The following ARHGEF33 variants were observed in gnomAD, a reference collection of about 807,000 sequenced individuals.
ARHGEF33 encodes Rho guanine nucleotide exchange factor 33, also known as DH and coiled-coil domain-containing protein ENSP00000381780.
Under a neutral mutation model 101.9 loss-of-function variants are expected in ARHGEF33, and 72 were observed. That is an observed-to-expected ratio of 0.71 (90% CI 0.58 to 0.86). ARHGEF33 has a LOEUF of 0.86. Ranked by LOEUF, ARHGEF33 falls within the 40% of genes least tolerant of loss-of-function variation. The pLI, the probability that ARHGEF33 is intolerant of heterozygous loss-of-function variation, is 0.00. For missense variants in ARHGEF33, 1,169 were observed against 1,111.3 expected (o/e 1.05, Z -0.74); for synonymous variants, 499 against 442.5 (o/e 1.13, Z -1.60).
At chr2:38,890,118 T>C (rs1037636074) in intron 1 of ARHGEF33, 132 bp downstream of exon 1, 14 of 203,662 alleles carry the variant, frequency 6.9e-5, no homozygotes, top group Non-Finnish European at 1.2e-4. Context: ...TTATTTGAGG[T>C]AGGCATTCAA....
At chr2:38,939,917 A>G (rs2124396898) in intron 9 of ARHGEF33, among the ~76,000 whole-genome samples, 1 of 152,328 alleles carries the variant, frequency 6.6e-6, no homozygotes, top group East Asian at 1.9e-4. Flanking sequence ...TTTCTTCTAA[A>G]ATCTTTATAG....
chr2:38,942,485 T>TTA lies in ARHGEF33; in HGVS notation c.791-1416_791-1415insTA, dbSNP rs3085349. On this transcript the variant is annotated intron_variant, in intron 9 of 17. Coordinates refer to ENST00000409978, the MANE Select transcript of ARHGEF33 (RefSeq NM_001145451.5). ...CCTCTTATCTTTTTTTTTTTTTTTT[T>TTA]AAGAAAGGGAGATTTCTTTTCTTCA... Among the ~76,000 whole-genome samples, 7 of 147,526 alleles carry TTA rather than the reference T, an allele frequency of 4.7e-5. No individual in the cohort carries two copies. The South Asian group carries it at 1.0e-3, about 22-fold the overall frequency.
intron 10 of ARHGEF33, among the ~76,000 whole-genome samples, chr2:38,944,986 T>G (rs1348137566): frequency 6.6e-6 from 1 of 152,024 alleles, no homozygotes; most frequent in Non-Finnish European, 1.5e-5. Context: ...ATAGTCTAGA[T>G]TTTTTTCTGT....
intron 16 of ARHGEF33, among the ~76,000 whole-genome samples, chr2:38,962,949 G>A (rs1049946655): frequency 2.0e-5 from 3 of 150,316 alleles, no homozygotes; most frequent in Middle Eastern, 3.5e-3. Flanking sequence ...GCGTGAACCC[G>A]GGAGGTGGAG....
At chr2:38,923,465 C>T (rs941397898) in intron 4 of ARHGEF33, among the ~76,000 whole-genome samples, 6 of 152,076 alleles carry the variant, frequency 3.9e-5, no homozygotes, top group African/African-American at 1.4e-4. Context: ...ATTTTATTTT[C>T]TGGATAGATC....
rs561203336 is a variant in ARHGEF33 at position 38,949,327 on chromosome 2, A to T, written c.921-1662A>T. The stretch of plus-strand genomic sequence containing the variant: ...GTTAAACTTGCGGTGCTGAAAGCAT[A>T]AAGGAACCTACCTTAAGTCACCAAG... On this transcript the variant is annotated intron_variant, in intron 10 of 17. Transcript: ENST00000409978. 2.5e-4 allele frequency among the ~76,000 whole-genome samples: 38 copies of T among 152,332 alleles called. No homozygotes were observed. The South Asian group carries it at 4.1e-3, about 17-fold the overall frequency.
chr2:38,965,914 G>T, intron 16 of ARHGEF33, 92 bp from the exon 17 acceptor site: 1 of 1,461,726 alleles, frequency 6.8e-7, no homozygotes, highest in Non-Finnish European at 9.2e-7. Context: ...CATGGGAGAG[G>T]AAAGTCACAA....
At chr2:38,925,318 G>C (rs989092736) in intron 4 of ARHGEF33, among the ~76,000 whole-genome samples, 27 of 152,206 alleles carry the variant, frequency 1.8e-4, no homozygotes, top group African/African-American at 5.8e-4. Flanking sequence ...ATGGGAACCA[G>C]TCCTACAGTA....
rs772992551 is a variant in ARHGEF33, at chr2:38,960,338, A to T, written c.2033A>T (p.Lys678Met). ...RPEHPLQPLP[K>M]SATSPAGSSS... ...GAGCACCCGCTGCAGCCGCTGCCCAAGAGCGCTACGTCGCCGGCGGGCAGC... is the reference window on the plus strand; with the variant it reads ...GAGCACCCGCTGCAGCCGCTGCCCATGAGCGCTACGTCGCCGGCGGGCAGC... The change falls in exon 16 of 18, where the codon AAG (lysine) becomes ATG (methionine). Residue 678 changes from lysine (K) to methionine (M), a missense_variant. Lys to Met is a moderately conservative substitution (Grantham distance 95). Coordinates refer to ENST00000409978, the MANE Select transcript of ARHGEF33 (RefSeq NM_001145451.5). 1.3e-6 allele frequency: 2 copies of T among 1,537,974 alleles called. No homozygotes were observed. Among genetic ancestry groups the T allele is most frequent in the South Asian group, 2.4e-5 (2 of 83,698 alleles).
chr2:38,898,297 G>A (rs1380595419), intron 2 of ARHGEF33, among the ~76,000 whole-genome samples: 1 of 152,220 alleles, frequency 6.6e-6, no homozygotes, highest in Non-Finnish European at 1.5e-5. Context: ...TTCTGAAACT[G>A]TATGAGAAAA....
In ARHGEF33 at chr2:38,913,777, A is replaced by T. The variant is rs554625045; in HGVS notation, c.-85-5586A>T. ...GAGTAAGACTCTGTCTCAGAAAAAA[A>T]AAAAATAAAAAGAATATTTCAATAG... On this transcript the variant is annotated intron_variant, in intron 2 of 17. Coordinates refer to ENST00000409978, the MANE Select transcript of ARHGEF33 (RefSeq NM_001145451.5). 8.8e-4 allele frequency among the ~76,000 whole-genome samples: 134 copies of T among 152,266 alleles called. 1 individual carries two copies. The highest frequency in any genetic ancestry group is 1.9e-3 in the African/African-American group (77 of 41,572).
At chr2:38,890,503 T>A (rs1665972160) in intron 1 of ARHGEF33, among the ~76,000 whole-genome samples, 1 of 152,228 alleles carries the variant, frequency 6.6e-6, no homozygotes, top group African/African-American at 2.4e-5. Flanking sequence ...GTGTACTGAT[T>A]AATTACATGG....
At chr2:38,963,680 A>C (rs1572781666) in intron 16 of ARHGEF33, among the ~76,000 whole-genome samples, 1 of 152,214 alleles carries the variant, frequency 6.6e-6, no homozygotes, top group South Asian at 2.1e-4. Context: ...CTAAAAGCCC[A>C]TTTCTCAAAA....
At chr2:38,929,927 G>A in intron 6 of ARHGEF33, 97 bp downstream of exon 6, 1 of 1,106,530 alleles carries the variant, frequency 9.0e-7, no homozygotes, top group South Asian at 1.7e-5. Flanking sequence ...TGTATAGCTA[G>A]CTGGCCACTG....
intron 2 of ARHGEF33, among the ~76,000 whole-genome samples, chr2:38,910,506 G>C (rs1202639608): frequency 6.6e-6 from 1 of 152,128 alleles, no homozygotes; most frequent in Non-Finnish European, 1.5e-5. Context: ...GGAGGCAGAG[G>C]TTGCAGTGAG....
chr2:38,903,512 A>G (rs1263301651), intron 2 of ARHGEF33, among the ~76,000 whole-genome samples: 1 of 152,150 alleles, frequency 6.6e-6, no homozygotes, highest in Non-Finnish European at 1.5e-5. Flanking sequence ...GAGCAGATGA[A>G]TGGCAGACAC....
At chr2:38,940,826 G>A (rs1667288149) in intron 9 of ARHGEF33, among the ~76,000 whole-genome samples, 1 of 152,152 alleles carries the variant, frequency 6.6e-6, no homozygotes, top group African/African-American at 2.4e-5. Context: ...TCAGAGACTG[G>A]ACTTTTTTTA....
At chr2:38,895,385 GAA>G (rs1424154754) in intron 1 of ARHGEF33, among the ~76,000 whole-genome samples, 4 of 152,176 alleles carry the variant, frequency 2.6e-5, no homozygotes. Context: ...TGGAATATTA[GAA>G]AAGACTCTAG....
chr2:38,914,442 C>T (rs1448858794), intron 2 of ARHGEF33, among the ~76,000 whole-genome samples: 14 of 152,174 alleles, frequency 9.2e-5, no homozygotes, highest in South Asian at 8.3e-4. Context: ...CTGAGCCAAG[C>T]GGATCACCTG....
Sources: gnomAD v4.1 joint callset for allele counts (sites outside exome capture counted in the v4.1 genomes callset) on GRCh38, gnomAD v4.1.1 for gene constraint, MANE v1.5 for transcripts, NCBI Gene and HGNC (gene_info 2026-07-23, HGNC 2026-07-21) for gene names.